Variants in ROCK2 observed in about 807,000 individuals in gnomAD.
ROCK2 encodes the protein rho-associated protein kinase 2.
A neutral mutation model predicts 195.1 loss-of-function variants in ROCK2; 61 were observed. The ratio of observed to expected loss-of-function variants is 0.31; its 90% confidence interval spans 0.25 to 0.39. The LOEUF (loss-of-function observed/expected upper bound fraction) is 0.39, where lower values mean the gene tolerates loss of function less well. Ranked by LOEUF, ROCK2 falls within the 10% of genes least tolerant of loss-of-function variation. The pLI, the probability that ROCK2 is intolerant of heterozygous loss-of-function variation, is 1.00. For missense variants in ROCK2, 1,109 were observed against 1,637.4 expected, an observed-to-expected ratio of 0.68 and a Z score of 5.57; for synonymous variants, 504 against 545.5, an observed-to-expected ratio of 0.92 and a Z score of 1.06.
At chr2:11,256,115 CAT>C (rs1254181381) in intron 3 of ROCK2, among the ~76,000 whole-genome samples, 3 of 150,674 alleles carry the variant, frequency 2.0e-5, no homozygotes, top group Non-Finnish European at 4.4e-5. Flanking sequence ...AATTAATAAA[CAT>C]AAATTATAAA....
rs75447280 is a variant in ROCK2 at position 11,195,965 on chromosome 2, T to C, written c.3449-940A>G. Among the ~76,000 whole-genome samples, 941 of 152,336 alleles carry C rather than the reference T, an allele frequency of 6.2e-3. 3 individuals are homozygous for C. The highest frequency in any genetic ancestry group is 0.022 in the African/African-American group (910 of 41,574). On this transcript the variant is annotated intron_variant, in intron 27 of 32. Transcript: ENST00000315872. ...ATTTGTTTTAATGACATTTGATCAATGTCTTTTAATGAAATAAATATGTGA... is the reference window on the plus strand; with the variant it reads ...ATTTGTTTTAATGACATTTGATCAACGTCTTTTAATGAAATAAATATGTGA...
chr2:11,325,717 G>C (rs1024891177), intron 1 of ROCK2, among the ~76,000 whole-genome samples: 2 of 152,120 alleles, frequency 1.3e-5, no homozygotes, highest in African/African-American at 2.4e-5. Flanking sequence ...GAATAACAGG[G>C]TAAGTTTACA....
chr2:11,211,586 G>T, intron 18 of ROCK2, 95 bp downstream of exon 18: 2 of 1,198,546 alleles, frequency 1.7e-6, no homozygotes, highest in South Asian at 2.1e-5. Flanking sequence ...ATTTGACAAT[G>T]AAATATAAAA....
chr2:11,321,289 C>T (rs1174396836), intron 1 of ROCK2, among the ~76,000 whole-genome samples: 1 of 152,076 alleles, frequency 6.6e-6, no homozygotes, highest in Non-Finnish European at 1.5e-5. Context: ...GATTTTCGTG[C>T]CTCAGCCTCC....
intron 1 of ROCK2, among the ~76,000 whole-genome samples, chr2:11,300,448 G>C (rs1450984654): frequency 6.6e-6 from 1 of 152,002 alleles, no homozygotes; most frequent in East Asian, 1.9e-4. Flanking sequence ...ACTTTTAGTA[G>C]AGATGGGTTT....
Position 11,192,769 on chromosome 2 carries a change from G to C in ROCK2, c.3688-57C>G. On this transcript the variant is annotated intron_variant, in intron 30 of 32. Coordinates refer to ENST00000315872, the MANE Select transcript of ROCK2 (RefSeq NM_004850.5). The surrounding 1 kb of genome is among the most constrained non-coding windows in gnomAD (Gnocchi z 5.0). ...CCAAACATGCTATTTTTTTATGTAG[G>C]AACAATTCTGATAGTGTAAGTAAAA... 4 of 1,516,888 alleles carry C rather than the reference G, an allele frequency of 2.6e-6. No individual in the cohort carries two copies. The highest frequency in any genetic ancestry group is 3.6e-6 in the Non-Finnish European group (4 of 1,125,894). The allele number at this position is 1,516,888 out of a possible 1,614,324, so 94.0% of individuals were successfully genotyped here.
intron 1 of ROCK2, among the ~76,000 whole-genome samples, 174 bp from the exon 2 acceptor site, chr2:11,287,910 T>C (rs1267611131): frequency 2.0e-5 from 3 of 152,222 alleles, no homozygotes; most frequent in African/African-American, 7.2e-5. Flanking sequence ...CTAACCTCTG[T>C]CAGAGAATAT....
intron 6 of ROCK2, 102 bp from the exon 7 acceptor site, chr2:11,224,562 G>C: frequency 9.8e-7 from 1 of 1,020,340 alleles, no homozygotes; most frequent in Non-Finnish European, 1.5e-6. Flanking sequence ...GTCACATGCA[G>C]GGAAGAACAA....
intron 5 of ROCK2, 71 bp from the exon 6 acceptor site, chr2:11,227,469 CATTT>C: frequency 2.2e-6 from 3 of 1,377,866 alleles, no homozygotes; most frequent in Non-Finnish European, 3.0e-6. Context: ...GCAATGAATC[CATTT>C]ATTACTAGAT....
chr2:11,298,083 T>C (rs1157061964), intron 1 of ROCK2, among the ~76,000 whole-genome samples: 1 of 152,156 alleles, frequency 6.6e-6, no homozygotes, highest in Non-Finnish European at 1.5e-5. Flanking sequence ...GCTGTATACA[T>C]ACAATGTACA....
At chr2:11,314,582 C>T (rs1018839948) in intron 1 of ROCK2, among the ~76,000 whole-genome samples, 3 of 151,946 alleles carry the variant, frequency 2.0e-5, no homozygotes, top group Non-Finnish European at 4.4e-5. Flanking sequence ...CTCAAATTTG[C>T]TTTTCATAGT....
At position 11,214,450 on chromosome 2, in the gene ROCK2, G is replaced by C. The variant is rs1664355992; in HGVS notation, c.1950C>G (p.Gly650=). The C allele has an allele frequency of 3.7e-6, 6 of 1,601,058 alleles. No homozygotes were observed. Among genetic ancestry groups the C allele is most frequent in the Non-Finnish European group, 4.3e-6 (5 of 1,170,918 alleles). Residue 650 remains glycine, a synonymous_variant, in exon 17 of 33, where the codon GGC becomes GGG. Coordinates refer to ENST00000315872, the MANE Select transcript of ROCK2 (RefSeq NM_004850.5). ...TGCCGTTCTTTAAATCTTCTTCTAGGCCACATATTCTACCTAAAAATTGCA... is the reference window on the plus strand; with the variant it reads ...TGCCGTTCTTTAAATCTTCTTCTAGCCCACATATTCTACCTAAAAATTGCA... ...IINDLQGRIC[G]LEEDLKNGKI...
intron 3 of ROCK2, among the ~76,000 whole-genome samples, chr2:11,280,237 C>A (rs1050469928): frequency 5.3e-5 from 8 of 151,958 alleles, no homozygotes; most frequent in African/African-American, 1.9e-4. Flanking sequence ...ATTGATAAGG[C>A]TCTAGCCAGG....
intron 19 of ROCK2, 36 bp downstream of exon 19, chr2:11,208,251 A>T: frequency 8.8e-7 from 1 of 1,131,502 alleles, no homozygotes; most frequent in Non-Finnish European, 1.2e-6. Flanking sequence ...TTAATTCATT[A>T]GTTTATTATT....
intron 1 of ROCK2, among the ~76,000 whole-genome samples, chr2:11,297,485 A>G (rs932974161): frequency 1.3e-5 from 2 of 152,144 alleles, no homozygotes; most frequent in African/African-American, 4.8e-5. Flanking sequence ...TATCTCTACT[A>G]AAACAGATGC....
At chr2:11,199,309 T>G (rs1663764255) in intron 23 of ROCK2, among the ~76,000 whole-genome samples, 1 of 41,826 alleles carries the variant, frequency 2.4e-5, no homozygotes, top group South Asian at 9.5e-4. Flanking sequence ...GTGATTTTCT[T>G]TTTTTTTTTT....
rs561135077 is a variant in ROCK2 at position 11,192,378 on chromosome 2, GA to G, written c.3950-18del. ...CATAATATACTATAAAGAAAAATTA[GA>G]AAAAAAAATTAATGTGCTTAAAATG... On this transcript the variant is annotated intron_variant, in intron 31 of 32. Coordinates refer to ENST00000315872, the MANE Select transcript of ROCK2 (RefSeq NM_004850.5). The surrounding 1 kb of genome is among the most constrained non-coding windows in gnomAD (Gnocchi z 5.0). The G allele has an allele frequency of 2.6e-3, 4,157 of 1,586,270 alleles. 5 individuals are homozygous for G. The highest frequency in any genetic ancestry group is 3.4e-3 in the Non-Finnish European group (3,966 of 1,168,676).
intron 13 of ROCK2, 75 bp from the exon 14 acceptor site, chr2:11,215,720 C>G: frequency 8.1e-7 from 1 of 1,235,362 alleles, no homozygotes; most frequent in Non-Finnish European, 1.1e-6. Context: ...ACTTGCTATT[C>G]CAAACAGATA....
At chr2:11,245,812 T>C (rs746901996) in intron 4 of ROCK2, among the ~76,000 whole-genome samples, 13 of 152,172 alleles carry the variant, frequency 8.5e-5, no homozygotes, top group Non-Finnish European at 1.6e-4. Context: ...CAATAAGATA[T>C]TCAAAGGACT....
Sources: gnomAD v4.1 joint callset for allele counts (sites outside exome capture counted in the v4.1 genomes callset) on GRCh38, gnomAD v4.1.1 for gene constraint, Gnocchi (gnomAD v3.1) non-coding constraint, MANE v1.5 for transcripts, NCBI Gene and HGNC (gene_info 2026-07-23, HGNC 2026-07-21) for gene names.